Variants in EBF3 observed in about 807,000 individuals in gnomAD.
The protein encoded by EBF3 is EBF transcription factor 3.
A neutral mutation model predicts 77.1 loss-of-function variants in EBF3; 18 were observed. The observed-to-expected ratio is 0.23, with a 90% CI of 0.16 to 0.35. The LOEUF is 0.35. EBF3 is among the 10% of genes least tolerant of loss of function. EBF3 has a pLI of 1.00. For missense variants in EBF3, 558 were observed against 860.0 expected, an observed-to-expected ratio of 0.65 and a Z score of 4.39; for synonymous variants, 350 against 343.5, an observed-to-expected ratio of 1.02 and a Z score of -0.21.
Position 129,947,014 on chromosome 10 carries a change from G to T in EBF3, c.554+10244C>A, listed in dbSNP as rs562342508. On this transcript the variant is annotated intron_variant, in intron 6 of 16. Coordinates refer to ENST00000440978, the MANE Select transcript of EBF3 (RefSeq NM_001375380.1). This position sits in a 1 kb window ranked among gnomAD's most constrained non-coding sequence, Gnocchi z 4.5. ...GGTAACTGATGGCGGCTGCCCAGTGGCTGGATCGGGCCGATGACCTCGGAC... is the reference window on the plus strand; with the variant it reads ...GGTAACTGATGGCGGCTGCCCAGTGTCTGGATCGGGCCGATGACCTCGGAC... 2.7e-3 allele frequency among the ~76,000 whole-genome samples: 407 copies of T among 152,318 alleles called. 2 individuals are homozygous for T. The highest frequency in any genetic ancestry group is 9.2e-3 in the African/African-American group (381 of 41,566).
At position 129,843,201 on chromosome 10, in the gene EBF3, T is replaced by A; in HGVS notation, c.1130A>T (p.Glu377Val). Residue 377 changes from glutamate to valine, a missense_variant and splice_region_variant, in exon 12 of 17, where the codon GAG becomes GTG. Transcript: ENST00000440978. ...GTCCGCCGCCCGCTTCAGTAACACCTCCTAAAGGAAGAGCAGACAGGAGGT... is the reference window on the plus strand; with the variant it reads ...GTCCGCCGCCCGCTTCAGTAACACCACCTAAAGGAAGAGCAGACAGGAGGT... ...HPGDPERLPK[E>V]VLLKRAADLV... is the part of the protein sequence containing the mutation. The A allele has an allele frequency of 6.2e-7, 1 of 1,611,134 alleles. No individual in the cohort carries two copies. Among genetic ancestry groups the A allele is most frequent in the Non-Finnish European group, 8.5e-7 (1 of 1,178,682 alleles).
rs1851841096 is a variant in EBF3, at chr10:129,864,265, C to A, written c.1039+2876G>T. On this transcript the variant is annotated intron_variant, in intron 10 of 16. Coordinates refer to ENST00000440978, the MANE Select transcript of EBF3 (RefSeq NM_001375380.1). The surrounding 1 kb of genome is among the most constrained non-coding windows in gnomAD (Gnocchi z 4.4). ...CAGCCCCAGAGCAGCAAAAGCAGGG[C>A]CCGGCCATGCTGGGAATTGGGGGGA... Among the ~76,000 whole-genome samples the A allele has an allele frequency of 6.6e-6, 1 of 152,172 alleles. No individual in the cohort carries two copies. Among genetic ancestry groups the A allele is most frequent in the Non-Finnish European group, 1.5e-5 (1 of 68,024 alleles).
rs1852895278 is a variant in EBF3, at chr10:129,877,761, T to G, written c.636+7A>C. On this transcript the variant is annotated splice_region_variant and intron_variant, in intron 7 of 16. Coordinates refer to ENST00000440978, the MANE Select transcript of EBF3 (RefSeq NM_001375380.1). ...CCACGGTCCACGTGTCTTTGAGAAA[T>G]GTATACCTGGAATCTCCGCATATCT... 1.2e-6 allele frequency: 2 copies of G among 1,612,632 alleles called. No homozygotes were observed. The highest frequency in any genetic ancestry group is 1.7e-6 in the Non-Finnish European group (2 of 1,179,208).
At chr10:129,917,681 T>TAAAAAAAAAAAAA (rs1239226466) in intron 6 of EBF3, among the ~76,000 whole-genome samples, 55 of 60,416 alleles carry the variant, frequency 9.1e-4, no homozygotes, top group African/African-American at 1.2e-3. Context: ...AAAAAAAAAC[T>TAAAAAAAAAAAAA]AAAACCAAGC....
intron 6 of EBF3, among the ~76,000 whole-genome samples, chr10:129,894,979 G>A (rs759771152): frequency 3.9e-5 from 6 of 152,180 alleles, no homozygotes; most frequent in Non-Finnish European, 5.9e-5. Flanking sequence ...CACCTTCTGG[G>A]GCAAGGCAGT....
At chr10:129,962,137 G>C (rs892200469) in intron 4 of EBF3, 34 bp downstream of exon 4, 9 of 1,612,544 alleles carry the variant, frequency 5.6e-6, no homozygotes, top group African/African-American at 5.3e-5. Context: ...AGGCCCAGCA[G>C]TGAAAACTCG....
In EBF3 at chr10:129,964,116, T is replaced by C. The variant is rs1859751744; in HGVS notation, c.-348A>G. The C allele has an allele frequency of 1.0e-6, 1 of 984,890 alleles. No individual in the cohort carries two copies. Among genetic ancestry groups the C allele is most frequent in the Admixed American group, 6.2e-5 (1 of 16,244 alleles). 61.0% of individuals were successfully genotyped at this position (984,890 alleles called of 1,614,324 possible). ...TCCGCGGCTGCAGGACACTGCGGGA[T>C]CGCCCGCTTCTGGCGCGGCCCGCCT... is the stretch of plus-strand genomic sequence containing the variant. On this transcript the variant is annotated 5_prime_UTR_variant, in exon 1 of 17. Transcript: ENST00000440978. The surrounding 1 kb of genome is among the most constrained non-coding windows in gnomAD (Gnocchi z 4.5).
chr10:129,936,339 G>A (rs957388991), intron 6 of EBF3, among the ~76,000 whole-genome samples: 7 of 152,174 alleles, frequency 4.6e-5, no homozygotes, highest in African/African-American at 1.4e-4. Context: ...GTCATCCTGA[G>A]GGGCAGGAAG....
rs1353647449 is a variant in EBF3, at chr10:129,938,076, G to A, written c.554+19182C>T. The stretch of plus-strand genomic sequence containing the variant: ...ATACACAATCATACTCCACAACCAC[G>A]CAAACTGTAAAGAGACCACCATGTC... On this transcript the variant is annotated intron_variant, in intron 6 of 16. Coordinates refer to ENST00000440978, the MANE Select transcript of EBF3 (RefSeq NM_001375380.1). The surrounding 1 kb of genome is among the most constrained non-coding windows in gnomAD (Gnocchi z 5.1). 2.6e-5 allele frequency among the ~76,000 whole-genome samples: 4 copies of A among 152,034 alleles called. No homozygotes were observed. Among genetic ancestry groups the A allele is most frequent in the East Asian group, 1.9e-4 (1 of 5,190 alleles).
chr10:129,857,132 C>G (rs1344825370), intron 10 of EBF3, among the ~76,000 whole-genome samples: 3 of 152,202 alleles, frequency 2.0e-5, no homozygotes, highest in African/African-American at 4.8e-5. Flanking sequence ...TTTTTAACTC[C>G]TGGTTTTTCA....
chr10:129,917,681 T>TAAAAAAAAAAAAAAAAAAAAAAAAAAAA (rs1239226466), intron 6 of EBF3, among the ~76,000 whole-genome samples: 115 of 60,430 alleles, frequency 1.9e-3, no homozygotes, highest in Middle Eastern at 0.011. Flanking sequence ...AAAAAAAAAC[T>TAAAAAAAAAAAAAAAAAAAAAAAAAAAA]AAAACCAAGC....
In EBF3 at chr10:129,885,424, T is replaced by C. The variant is rs1853504210; in HGVS notation, c.555-7575A>G. ...GTCAGCCACCCCACTCCGCCCGCTG[T>C]CAGTGTTCTAGTTAGTATTTTCTGC... On this transcript the variant is annotated intron_variant, in intron 6 of 16. Coordinates refer to ENST00000440978, the MANE Select transcript of EBF3 (RefSeq NM_001375380.1). This position sits in a 1 kb window ranked among gnomAD's most constrained non-coding sequence, Gnocchi z 4.0. Among the ~76,000 whole-genome samples the C allele has an allele frequency of 1.3e-5, 2 of 152,204 alleles. No homozygotes were observed. The highest frequency in any genetic ancestry group is 2.9e-5 in the Non-Finnish European group (2 of 68,032).
intron 6 of EBF3, among the ~76,000 whole-genome samples, chr10:129,917,463 C>T (rs1320783028): frequency 6.6e-6 from 1 of 151,598 alleles, no homozygotes; most frequent in African/African-American, 2.4e-5. Context: ...TTCAGGAAAA[C>T]CCCACTAGGA....
At position 129,938,796 on chromosome 10, in the gene EBF3, G is replaced by A. The variant is rs375496680; in HGVS notation, c.554+18462C>T. ...GGCAAGATGTTACATGGGGGTCTTC[G>A]TGGCCCATAAAACCAACCTGGGGAA... On this transcript the variant is annotated intron_variant, in intron 6 of 16. Transcript: ENST00000440978. The surrounding 1 kb of genome is among the most constrained non-coding windows in gnomAD (Gnocchi z 5.1). Among the ~76,000 whole-genome samples the A allele has an allele frequency of 3.0e-3, 463 of 152,248 alleles. 5 individuals are homozygous for A. The highest frequency in any genetic ancestry group is 3.4e-3 in the Non-Finnish European group (231 of 68,016).
intron 4 of EBF3, among the ~76,000 whole-genome samples, chr10:129,959,710 T>C (rs1859341134): frequency 6.6e-6 from 1 of 151,788 alleles, no homozygotes; most frequent in African/African-American, 2.4e-5. Context: ...ACCTGGCCTC[T>C]GCACGCTGCG....
At chr10:129,890,920 G>C (rs933561597) in intron 6 of EBF3, among the ~76,000 whole-genome samples, 3 of 152,214 alleles carry the variant, frequency 2.0e-5, no homozygotes, top group Non-Finnish European at 4.4e-5. Flanking sequence ...AATCTGCATG[G>C]AGAAAGATTA....
At chr10:129,934,984 C>T (rs974660671) in intron 6 of EBF3, among the ~76,000 whole-genome samples, 9 of 152,160 alleles carry the variant, frequency 5.9e-5, no homozygotes, top group African/African-American at 2.2e-4. Context: ...GAACAAGGGC[C>T]TACTGTGTAC....
chr10:129,923,542 G>A (rs1187678828), intron 6 of EBF3, among the ~76,000 whole-genome samples: 3 of 152,116 alleles, frequency 2.0e-5, no homozygotes, highest in Non-Finnish European at 4.4e-5. Context: ...ACAGGGAGTG[G>A]GTGGTCTTTT....
rs1855692704 is a variant in EBF3 at position 129,913,906 on chromosome 10, T to G, written c.555-36057A>C. Among the ~76,000 whole-genome samples the G allele has an allele frequency of 3.9e-5, 6 of 152,348 alleles. No individual in the cohort carries two copies. In the South Asian group the frequency reaches 1.2e-3, roughly 32 times the overall value. On this transcript the variant is annotated intron_variant, in intron 6 of 16. Coordinates refer to ENST00000440978, the MANE Select transcript of EBF3 (RefSeq NM_001375380.1). ...AAGCTGAGTGTATCCAGCCATATCC[T>G]TCATTCACTCATCTCGCTTCTCATC...
Sources: allele counts gnomAD v4.1 joint callset (sites outside exome capture counted in the v4.1 genomes callset), GRCh38; gene constraint gnomAD v4.1.1; non-coding constraint Gnocchi (gnomAD v3.1); transcripts MANE v1.5; gene names NCBI Gene and HGNC (gene_info 2026-07-23, HGNC 2026-07-21).